The following CACNA1E variants were observed in gnomAD, a reference collection of about 807,000 sequenced individuals.
CACNA1E encodes voltage-dependent R-type calcium channel subunit alpha-1E.
In CACNA1E, 40 loss-of-function variants were observed where a neutral mutation model predicts 259.2. The ratio of observed to expected loss-of-function variants is 0.15; its 90% CI spans 0.12 to 0.20. The LOEUF (loss-of-function observed/expected upper bound fraction) is 0.20. CACNA1E is among the 10% of genes least tolerant of loss of function. The pLI is 1.00. For missense variants in CACNA1E, 1,874 were observed against 3,040.1 expected (o/e 0.62, Z 9.02); for synonymous variants, 1,104 against 1,138.5 (o/e 0.97, Z 0.61).
intron 24 of CACNA1E, 67 bp downstream of exon 24, chr1:181,738,493 A>G: frequency 1.5e-6 from 2 of 1,292,884 alleles, no homozygotes; most frequent in Non-Finnish European, 2.2e-6. Context: ...TCCTTAGGCT[A>G]GAGCCCTTCC....
At chr1:181,353,802 C>T (rs933695061) in intron 1 of CACNA1E, among the ~76,000 whole-genome samples, 15 of 152,218 alleles carry the variant, frequency 9.9e-5, no homozygotes, top group Non-Finnish European at 2.1e-4. Flanking sequence ...AGAGGGAGTG[C>T]TAACAAATCT....
At chr1:181,378,936 A>G (rs1232189538) in intron 1 of CACNA1E, among the ~76,000 whole-genome samples, 1 of 152,198 alleles carries the variant, frequency 6.6e-6, no homozygotes, top group Non-Finnish European at 1.5e-5. Context: ...AGCATCCAAT[A>G]AAGTAAAATT....
Position 181,328,355 on chromosome 1 carries a change from A to C in CACNA1E, c.-15+10232A>C, listed in dbSNP as rs567373298. On this transcript the variant is annotated intron_variant, in intron 1 of 11. Transcript: ENST00000524607. ...CACCTCCTAAAGGCCCCACCTTCTA[A>C]TACCATTACAATGGTGAATAGCTTT... 8.9e-4 allele frequency among the ~76,000 whole-genome samples: 136 copies of C among 152,280 alleles called. 2 individuals carry two copies. The South Asian group carries it at 0.024, about 27-fold the overall frequency.
At chr1:181,488,820 A>T (rs1375798624) in intron 1 of CACNA1E, among the ~76,000 whole-genome samples, 1 of 152,172 alleles carries the variant, frequency 6.6e-6, no homozygotes, top group Non-Finnish European at 1.5e-5. Context: ...TTCTTCTGAA[A>T]CATCCAGACT....
intron 6 of CACNA1E, among the ~76,000 whole-genome samples, chr1:181,648,214 G>A (rs1046920921): frequency 3.3e-5 from 5 of 152,198 alleles, no homozygotes; most frequent in Admixed American, 6.5e-5. Context: ...AATTGTGGAC[G>A]TTTTTTGATT....
At chr1:181,589,847 A>G (rs1652454323) in intron 6 of CACNA1E, among the ~76,000 whole-genome samples, 1 of 152,202 alleles carries the variant, frequency 6.6e-6, no homozygotes, top group Non-Finnish European at 1.5e-5. Context: ...AGAGCTCTTG[A>G]TAACACATCA....
intron 12 of CACNA1E, among the ~76,000 whole-genome samples, chr1:181,718,674 A>G (rs1654156123): frequency 6.7e-6 from 1 of 149,128 alleles, no homozygotes; most frequent in Non-Finnish European, 1.5e-5. Context: ...ACACCCTTAT[A>G]TTAGCAAGTC....
chr1:181,698,081 G>A (rs1232629373), intron 7 of CACNA1E, among the ~76,000 whole-genome samples: 2 of 152,184 alleles, frequency 1.3e-5, no homozygotes, highest in African/African-American at 4.8e-5. Flanking sequence ...CCTGAAGGTG[G>A]TAGAGTTATT....
chr1:181,326,487 T>G (rs1297459613), intron 1 of CACNA1E, among the ~76,000 whole-genome samples: 1 of 152,148 alleles, frequency 6.6e-6, no homozygotes, highest in East Asian at 1.9e-4. Flanking sequence ...TCCCACTGCT[T>G]GGCAGTTTCT....
intron 2 of CACNA1E, among the ~76,000 whole-genome samples, chr1:181,436,633 A>T (rs778996738): frequency 1.3e-5 from 2 of 152,202 alleles, no homozygotes; most frequent in African/African-American, 2.4e-5. Context: ...ATATGAGCTC[A>T]CTTATATGTG....
intron 7 of CACNA1E, chr1:181,651,841 T>C (rs1476688516): frequency 1.3e-5 from 2 of 156,852 alleles, no homozygotes; most frequent in Non-Finnish European, 2.8e-5. Context: ...GGGGATCAAG[T>C]CTCATATTTG....
intron 1 of CACNA1E, among the ~76,000 whole-genome samples, chr1:181,385,548 A>G (rs189388576): frequency 2.6e-5 from 4 of 152,304 alleles, no homozygotes; most frequent in Non-Finnish European, 5.9e-5. Flanking sequence ...TGGGGAGATG[A>G]TTGTTCTAGC....
At chr1:181,407,229 A>G (rs1657528142) in intron 1 of CACNA1E, among the ~76,000 whole-genome samples, 1 of 152,080 alleles carries the variant, frequency 6.6e-6, no homozygotes, top group African/African-American at 2.4e-5. Context: ...GCAAAAACTG[A>G]TGCCAGTCCA....
At chr1:181,627,214 TACC>T (rs1656279821) in intron 6 of CACNA1E, among the ~76,000 whole-genome samples, 1 of 152,190 alleles carries the variant, frequency 6.6e-6, no homozygotes, top group Admixed American at 6.5e-5. Flanking sequence ...AATATTTATT[TACC>T]ACTTACAATG....
rs1662272056 is a variant in CACNA1E, at chr1:181,801,469, A to G, written c.*2635A>G. 6.6e-6 allele frequency: 1 copy of G among 152,178 alleles called. No homozygotes were observed. Among genetic ancestry groups the G allele is most frequent in the African/African-American group, 2.4e-5 (1 of 41,438 alleles). 9.4% of individuals were successfully genotyped at this position (152,178 alleles called of 1,614,324 possible). ...CACCTGGGTTTTCTATTACCAGTGAATTTCTTTTATTCACCTTCCCTTGAC... is the reference window on the plus strand; with the variant it reads ...CACCTGGGTTTTCTATTACCAGTGAGTTTCTTTTATTCACCTTCCCTTGAC... On this transcript the variant is annotated 3_prime_UTR_variant, in exon 48 of 48. Coordinates refer to ENST00000367573, the MANE Select transcript of CACNA1E (RefSeq NM_001205293.3).
At chr1:181,380,078 A>G (rs1571714298) in intron 1 of CACNA1E, among the ~76,000 whole-genome samples, 1 of 149,748 alleles carries the variant, frequency 6.7e-6, no homozygotes, top group Admixed American at 6.7e-5. Flanking sequence ...CCATTAAAAT[A>G]GCAAAGAGTT....
intron 3 of CACNA1E, among the ~76,000 whole-genome samples, chr1:181,513,170 TA>T (rs1251590958): frequency 1.3e-5 from 2 of 152,212 alleles, no homozygotes; most frequent in African/African-American, 4.8e-5. Context: ...TAAATGATTA[TA>T]TGTTCATTAA....
intron 42 of CACNA1E, 120 bp downstream of exon 42, chr1:181,785,538 C>A (rs773170519): frequency 2.3e-6 from 2 of 877,940 alleles, no homozygotes; most frequent in South Asian, 1.4e-5. Context: ...GTAATGGGTG[C>A]GGGGCCCAAG....
intron 6 of CACNA1E, among the ~76,000 whole-genome samples, chr1:181,598,910 G>A (rs1653464010): frequency 6.6e-6 from 1 of 151,820 alleles, no homozygotes; most frequent in South Asian, 2.1e-4. Flanking sequence ...CTTCCTGGCT[G>A]TGGCCACACT....
Sources: allele counts gnomAD v4.1 joint callset (sites outside exome capture counted in the v4.1 genomes callset), GRCh38; gene constraint gnomAD v4.1.1; transcripts MANE v1.5; gene names NCBI Gene and HGNC (gene_info 2026-07-23, HGNC 2026-07-21).